Variants in GPC5 observed in about 807,000 individuals in gnomAD.
The protein encoded by GPC5 is glypican 5, also known as glypican-5.
GPC5 carries 47 observed loss-of-function variants against 53.9 expected under a neutral mutation model. The observed-to-expected ratio is 0.87, with a 90% CI of 0.69 to 1.11. The LOEUF is 1.11. GPC5 is among the 50% of genes most tolerant of loss of function. The pLI is 0.00. For synonymous variants in GPC5, 286 were observed against 263.3 expected (o/e 1.09, Z -0.84); for missense variants, 748 against 713.1 (o/e 1.05, Z -0.56).
At chr13:92,744,793 T>C (rs187288679) in intron 7 of GPC5, among the ~76,000 whole-genome samples, 2 of 152,098 alleles carry the variant, frequency 1.3e-5, no homozygotes, top group East Asian at 3.9e-4. Context: ...AGCAAACCTT[T>C]GAGTTAGATG....
intron 7 of GPC5, among the ~76,000 whole-genome samples, chr13:92,524,145 A>G (rs1284438266): frequency 6.6e-6 from 1 of 152,094 alleles, no homozygotes; most frequent in Non-Finnish European, 1.5e-5. Context: ...TCTCTGTAGC[A>G]TGCGATGATG....
intron 7 of GPC5, among the ~76,000 whole-genome samples, chr13:92,451,575 A>G (rs142365942): frequency 1.5e-4 from 23 of 152,342 alleles, no homozygotes; most frequent in Non-Finnish European, 2.8e-4. Flanking sequence ...GATTTCTATC[A>G]TAAGGAATAT....
In GPC5 at chr13:92,381,826, C is replaced by A. The variant is rs531980935; in HGVS notation, c.1561+236837C>A. 2.7e-4 allele frequency among the ~76,000 whole-genome samples: 24 copies of A among 88,140 alleles called. No individual in the cohort carries two copies. The South Asian group carries it at 7.4e-3, about 27-fold the overall frequency. 57.8% of individuals were successfully genotyped at this position (88,140 alleles called of 152,430 possible). A position where few individuals can be genotyped will look rare whatever the true frequency, so the allele number is the denominator to read the frequency against. Reference sequence around the variant, plus strand: ...ACATAGATATTATTTCATATATAATCATATATATTATATTGTATATGATCA... The same window carrying A: ...ACATAGATATTATTTCATATATAATAATATATATTATATTGTATATGATCA... On this transcript the variant is annotated intron_variant, in intron 7 of 7. Coordinates refer to ENST00000377067, the MANE Select transcript of GPC5 (RefSeq NM_004466.6).
chr13:92,474,252 A>G (rs1413767361), intron 7 of GPC5, among the ~76,000 whole-genome samples: 1 of 151,926 alleles, frequency 6.6e-6, no homozygotes, highest in Non-Finnish European at 1.5e-5. Context: ...CCATGGTTTA[A>G]TGAGTGACCT....
At chr13:92,707,216 T>TGTAC (rs1887981863) in intron 7 of GPC5, among the ~76,000 whole-genome samples, 1 of 152,198 alleles carries the variant, frequency 6.6e-6, no homozygotes, top group African/African-American at 2.4e-5. Flanking sequence ...TTGACCCATA[T>TGTAC]GTACATTCAG....
At chr13:92,415,174 C>T (rs756883421) in intron 7 of GPC5, among the ~76,000 whole-genome samples, 3 of 152,122 alleles carry the variant, frequency 2.0e-5, no homozygotes, top group Non-Finnish European at 2.9e-5. Flanking sequence ...TCTTTGACAA[C>T]ATGTTCATAA....
intron 2 of GPC5, among the ~76,000 whole-genome samples, chr13:91,565,521 G>C (rs2138951711): frequency 6.6e-6 from 1 of 152,286 alleles, no homozygotes; most frequent in East Asian, 1.9e-4. Flanking sequence ...GTTTGGGGAA[G>C]AGGCTGTTAT....
At chr13:92,675,146 A>C (rs1462926389) in intron 7 of GPC5, among the ~76,000 whole-genome samples, 1 of 142,954 alleles carries the variant, frequency 7.0e-6, no homozygotes, top group South Asian at 2.4e-4. Context: ...TATATCTTTC[A>C]GAAATTATCA....
chr13:91,866,014 T>C (rs1046705853), intron 5 of GPC5, among the ~76,000 whole-genome samples: 1 of 152,154 alleles, frequency 6.6e-6, no homozygotes, highest in Non-Finnish European at 1.5e-5. Context: ...ATTATAGGCA[T>C]GTGCCACCAT....
chr13:91,592,525 C>T (rs532961600), intron 2 of GPC5, among the ~76,000 whole-genome samples: 6 of 152,212 alleles, frequency 3.9e-5, no homozygotes, highest in African/African-American at 1.2e-4. Context: ...TGAGGCATGC[C>T]CCACTCACAC....
In GPC5 at chr13:92,549,865, C is replaced by A. The variant is rs9561084; in HGVS notation, c.1562-316417C>A. Reference sequence around the variant, plus strand: ...GGTAGGGGTAAAAGGGGGAAAGTTTCTTTTACCAAACACACACATACACAC... The same window carrying A: ...GGTAGGGGTAAAAGGGGGAAAGTTTATTTTACCAAACACACACATACACAC... On this transcript the variant is annotated intron_variant, in intron 7 of 7. Transcript: ENST00000377067. 4.9e-5 allele frequency among the ~76,000 whole-genome samples: 7 copies of A among 143,992 alleles called. No individual in the cohort carries two copies. In the East Asian group the frequency reaches 1.2e-3, roughly 25 times the overall value. 94.5% of individuals were successfully genotyped at this position (143,992 alleles called of 152,430 possible). A position where few individuals can be genotyped will look rare whatever the true frequency, so the allele number is the denominator to read the frequency against.
chr13:91,725,220 C>T (rs568663652), intron 3 of GPC5: 5 of 152,264 alleles, frequency 3.3e-5, no homozygotes, highest in South Asian at 2.1e-4. Flanking sequence ...AACTGAAAAC[C>T]GGAGTAGATA....
intron 7 of GPC5, among the ~76,000 whole-genome samples, chr13:92,520,546 T>C (rs988120687): frequency 2.0e-5 from 3 of 152,122 alleles, no homozygotes; most frequent in African/African-American, 7.2e-5. Flanking sequence ...ATTGTCTCAA[T>C]AGATGCAGAA....
intron 7 of GPC5, among the ~76,000 whole-genome samples, chr13:92,279,849 C>G (rs1274017392): frequency 6.6e-6 from 1 of 152,044 alleles, no homozygotes; most frequent in Admixed American, 6.6e-5. Flanking sequence ...CATCTACATT[C>G]ATAAGAAATA....
At chr13:92,059,526 T>C (rs2041104661) in intron 6 of GPC5, among the ~76,000 whole-genome samples, 1 of 152,014 alleles carries the variant, frequency 6.6e-6, no homozygotes, top group South Asian at 2.1e-4. Context: ...TAGAATATAC[T>C]AGATATGCTT....
intron 5 of GPC5, among the ~76,000 whole-genome samples, chr13:91,792,780 G>C (rs561766544): frequency 6.6e-6 from 1 of 152,044 alleles, no homozygotes; most frequent in South Asian, 2.1e-4. Context: ...TGAATTCTTC[G>C]ATCAAAAGCA....
intron 2 of GPC5, among the ~76,000 whole-genome samples, chr13:91,668,204 C>T (rs2035161854): frequency 6.6e-6 from 1 of 152,164 alleles, no homozygotes; most frequent in Non-Finnish European, 1.5e-5. Context: ...CATGTCACCA[C>T]ATACAGTGGT....
intron 7 of GPC5, among the ~76,000 whole-genome samples, chr13:92,766,310 G>T (rs1875402642): frequency 6.6e-6 from 1 of 151,370 alleles, no homozygotes; most frequent in South Asian, 2.1e-4. Flanking sequence ...CACCACCACT[G>T]CATGTAGATC....
intron 7 of GPC5, among the ~76,000 whole-genome samples, chr13:92,250,924 C>T (rs775087332): frequency 1.1e-4 from 16 of 151,838 alleles, no homozygotes; most frequent in African/African-American, 3.6e-4. Flanking sequence ...GAAATCTGTT[C>T]GGAAAAAATG....
Sources: allele counts gnomAD v4.1 joint callset (sites outside exome capture counted in the v4.1 genomes callset), GRCh38; gene constraint gnomAD v4.1.1; transcripts MANE v1.5; gene names NCBI Gene and HGNC (gene_info 2026-07-23, HGNC 2026-07-21).